The following PIP4K2A variants were observed in gnomAD, a reference collection of about 807,000 sequenced individuals.
PIP4K2A encodes the protein phosphatidylinositol 5-phosphate 4-kinase type-2 alpha.
PIP4K2A carries 14 observed loss-of-function variants against 42.9 expected under a neutral mutation model. That is an observed-to-expected ratio of 0.33 (90% CI 0.22 to 0.51). PIP4K2A has a LOEUF of 0.51. PIP4K2A is among the 20% of genes least tolerant of loss of function. PIP4K2A has a pLI of 0.97. For missense variants in PIP4K2A, 434 were observed against 519.8 expected (o/e 0.83, Z 1.61); for synonymous variants, 192 against 192.2 (o/e 1.00, Z 0.01).
At chr10:22,540,578 A>T (rs933246254) in intron 8 of PIP4K2A, among the ~76,000 whole-genome samples, 3 of 152,056 alleles carry the variant, frequency 2.0e-5, no homozygotes, top group African/African-American at 7.2e-5. Context: ...TTTTTTTGAG[A>T]CAGAGTTTTG....
Position 22,711,539 on chromosome 10 carries a change from T to C in PIP4K2A, c.144+2644A>G, listed in dbSNP as rs965793436. Among the ~76,000 whole-genome samples, 7 of 152,200 alleles carry C rather than the reference T, an allele frequency of 4.6e-5. No homozygotes were observed. In the South Asian group the frequency reaches 6.2e-4, roughly 14 times the overall value. Reference sequence around the variant, plus strand: ...AATCTTGAGTTAGACTTGGAAATCATCCAAACAACCTCAGTTCACAGATGC... The same window carrying C: ...AATCTTGAGTTAGACTTGGAAATCACCCAAACAACCTCAGTTCACAGATGC... On this transcript the variant is annotated intron_variant, in intron 1 of 9. Coordinates refer to ENST00000376573, the MANE Select transcript of PIP4K2A (RefSeq NM_005028.5).
intron 6 of PIP4K2A, among the ~76,000 whole-genome samples, chr10:22,554,746 C>T (rs1411391093): frequency 6.6e-6 from 1 of 152,234 alleles, no homozygotes; most frequent in Non-Finnish European, 1.5e-5. Flanking sequence ...GATTGCTGTA[C>T]GACCCTCTGT....
intron 4 of PIP4K2A, among the ~76,000 whole-genome samples, chr10:22,581,690 T>C (rs1588641071): frequency 6.6e-6 from 1 of 151,932 alleles, no homozygotes; most frequent in Non-Finnish European, 1.5e-5. Flanking sequence ...TACCACATAA[T>C]AGCTTCCGTT....
chr10:22,552,870 G>A (rs759997332), intron 6 of PIP4K2A, among the ~76,000 whole-genome samples: 2 of 152,136 alleles, frequency 1.3e-5, no homozygotes, highest in Non-Finnish European at 2.9e-5. Flanking sequence ...AGAAAAGAAG[G>A]GTAGAGGGTG....
At chr10:22,607,439 G>C (rs909775739) in intron 3 of PIP4K2A, among the ~76,000 whole-genome samples, 1 of 152,148 alleles carries the variant, frequency 6.6e-6, no homozygotes, top group South Asian at 2.1e-4. Context: ...CCACAGTCCA[G>C]CACTGCAGTG....
chr10:22,654,421 C>G (rs1839054908), intron 1 of PIP4K2A, among the ~76,000 whole-genome samples: 1 of 152,064 alleles, frequency 6.6e-6, no homozygotes, highest in Non-Finnish European at 1.5e-5. Flanking sequence ...GGCAAATGAT[C>G]CAAATCGTAA....
At chr10:22,688,859 G>A (rs1040774342) in intron 1 of PIP4K2A, among the ~76,000 whole-genome samples, 8 of 152,086 alleles carry the variant, frequency 5.3e-5, no homozygotes, top group African/African-American at 9.7e-5. Flanking sequence ...ACTGGATAAC[G>A]GGGTGTTCCT....
chr10:22,686,472 T>C (rs138899893), intron 1 of PIP4K2A, among the ~76,000 whole-genome samples: 223 of 152,304 alleles, frequency 1.5e-3, no homozygotes, highest in African/African-American at 5.1e-3. Flanking sequence ...TTTCTTCTTA[T>C]TGGATTTTTA....
chr10:22,626,813 C>T (rs1191679679), intron 1 of PIP4K2A, among the ~76,000 whole-genome samples: 1 of 152,154 alleles, frequency 6.6e-6, no homozygotes, highest in Non-Finnish European at 1.5e-5. Context: ...AATACTTTAG[C>T]TTTACAAATA....
At chr10:22,579,018 C>T (rs1398065514) in intron 4 of PIP4K2A, among the ~76,000 whole-genome samples, 1 of 152,060 alleles carries the variant, frequency 6.6e-6, no homozygotes, top group Non-Finnish European at 1.5e-5. Flanking sequence ...GAAAGGGAAG[C>T]CCCAGATTTT....
intron 1 of PIP4K2A, among the ~76,000 whole-genome samples, chr10:22,633,908 G>T (rs894909945): frequency 1.3e-5 from 2 of 152,220 alleles, no homozygotes; most frequent in Non-Finnish European, 2.9e-5. Flanking sequence ...TAGGAGCGTG[G>T]AGCTGCTGTG....
At chr10:22,629,691 G>C (rs1838511157) in intron 1 of PIP4K2A, among the ~76,000 whole-genome samples, 1 of 152,124 alleles carries the variant, frequency 6.6e-6, no homozygotes, top group African/African-American at 2.4e-5. Flanking sequence ...GACTAAATTA[G>C]CTAAATCAGT....
At chr10:22,638,737 CTTTTGT>C (rs1271364645) in intron 1 of PIP4K2A, among the ~76,000 whole-genome samples, 1 of 152,048 alleles carries the variant, frequency 6.6e-6, no homozygotes, top group African/African-American at 2.4e-5. Context: ...ATATTTTTGG[CTTTTGT>C]TTTTAAGTAT....
At chr10:22,546,337 CA>C (rs1250430772) in intron 7 of PIP4K2A, among the ~76,000 whole-genome samples, 3 of 152,104 alleles carry the variant, frequency 2.0e-5, no homozygotes, top group Non-Finnish European at 4.4e-5. Context: ...TCAATTTAAA[CA>C]GGTTTCAGTT....
At chr10:22,635,918 T>C (rs1838652668) in intron 1 of PIP4K2A, among the ~76,000 whole-genome samples, 1 of 152,212 alleles carries the variant, frequency 6.6e-6, no homozygotes, top group Admixed American at 6.5e-5. Context: ...ACGTAGAAGA[T>C]GCATTATTTT....
intron 9 of PIP4K2A, among the ~76,000 whole-genome samples, chr10:22,538,198 G>GA (rs369906101): frequency 2.0e-5 from 3 of 152,248 alleles, no homozygotes; most frequent in African/African-American, 4.8e-5. Context: ...CTTGAATGCA[G>GA]AGAGAATGGT....
At chr10:22,616,557 G>T (rs1838181406) in intron 1 of PIP4K2A, among the ~76,000 whole-genome samples, 1 of 152,110 alleles carries the variant, frequency 6.6e-6, no homozygotes, top group Non-Finnish European at 1.5e-5. Flanking sequence ...AAAATTCAGG[G>T]AGCTGGACTG....
At chr10:22,706,690 G>C (rs1833829938) in intron 1 of PIP4K2A, among the ~76,000 whole-genome samples, 1 of 152,162 alleles carries the variant, frequency 6.6e-6, no homozygotes, top group Non-Finnish European at 1.5e-5. Flanking sequence ...TAAAGACAAG[G>C]TGAAATATCA....
At chr10:22,607,679 T>C in intron 3 of PIP4K2A, 1 of 263,952 alleles carries the variant, frequency 3.8e-6, no homozygotes, top group Non-Finnish European at 7.2e-6. Flanking sequence ...AACCCTCACA[T>C]GCTCAGTCTC....
Sources: allele counts gnomAD v4.1 joint callset (sites outside exome capture counted in the v4.1 genomes callset), GRCh38; gene constraint gnomAD v4.1.1; transcripts MANE v1.5; gene names NCBI Gene and HGNC (gene_info 2026-07-23, HGNC 2026-07-21).